The following SEMA3E variants were observed in gnomAD, a reference collection of about 807,000 sequenced individuals.
SEMA3E encodes the protein semaphorin 3E.
A neutral mutation model predicts 93.6 loss-of-function variants in SEMA3E; 49 were observed. That is an observed-to-expected ratio of 0.52 (90% CI 0.42 to 0.66). The LOEUF (loss-of-function observed/expected upper bound fraction) is 0.66, where lower values mean the gene tolerates loss of function less well. SEMA3E is among the 30% of genes least tolerant of loss of function. SEMA3E has a pLI of 0.00. For synonymous variants in SEMA3E, 363 were observed against 330.7 expected, an observed-to-expected ratio of 1.10 and a Z score of -1.06; for missense variants, 906 against 964.8, an observed-to-expected ratio of 0.94 and a Z score of 0.81.
At chr7:83,443,470 T>C (rs886966378) in intron 4 of SEMA3E, among the ~76,000 whole-genome samples, 9 of 152,246 alleles carry the variant, frequency 5.9e-5, no homozygotes, top group African/African-American at 2.2e-4. Context: ...CAAGGCTTTG[T>C]TAATTTGAGT....
chr7:83,438,529 C>T (rs927326614), intron 4 of SEMA3E, among the ~76,000 whole-genome samples: 1 of 152,096 alleles, frequency 6.6e-6, no homozygotes, highest in Non-Finnish European at 1.5e-5. Flanking sequence ...CACATGCCTT[C>T]ACTATTATAG....
At chr7:83,530,166 G>A (rs1791257630) in intron 1 of SEMA3E, among the ~76,000 whole-genome samples, 1 of 151,964 alleles carries the variant, frequency 6.6e-6, no homozygotes, top group Non-Finnish European at 1.5e-5. Flanking sequence ...TTACTATAAG[G>A]TTCCTGCTAC....
At chr7:83,449,549 C>A (rs1789310543) in intron 4 of SEMA3E, among the ~76,000 whole-genome samples, 1 of 152,030 alleles carries the variant, frequency 6.6e-6, no homozygotes, top group East Asian at 1.9e-4. Context: ...CAGATCTAAA[C>A]TACAGAGACA....
chr7:83,396,069 G>A (rs1383202976), intron 12 of SEMA3E, among the ~76,000 whole-genome samples: 1 of 143,834 alleles, frequency 7.0e-6, no homozygotes, highest in African/African-American at 2.6e-5. Flanking sequence ...GTGTGTGTGT[G>A]TATAAGTGCA....
chr7:83,520,247 T>C (rs1437736565), intron 1 of SEMA3E, among the ~76,000 whole-genome samples: 1 of 152,084 alleles, frequency 6.6e-6, no homozygotes, highest in Non-Finnish European at 1.5e-5. Flanking sequence ...AGAGTACAGT[T>C]GAAAAATTCC....
At chr7:83,375,410 G>C (rs897544391) in intron 16 of SEMA3E, among the ~76,000 whole-genome samples, 3 of 152,112 alleles carry the variant, frequency 2.0e-5, no homozygotes, top group Non-Finnish European at 4.4e-5. Flanking sequence ...ATTTCCTTTA[G>C]GCAACATCTC....
chr7:83,385,232 C>T (rs1215815509), intron 16 of SEMA3E, 62 bp downstream of exon 16: 1 of 1,569,000 alleles, frequency 6.4e-7, no homozygotes, highest in Admixed American at 1.7e-5. Flanking sequence ...AATAAATCAT[C>T]TATTTACTGA....
chr7:83,401,416 T>A (rs778784212), intron 10 of SEMA3E, among the ~76,000 whole-genome samples: 3 of 152,050 alleles, frequency 2.0e-5, no homozygotes, highest in Admixed American at 1.3e-4. Flanking sequence ...TGGCATGGAT[T>A]TTTCACTTGA....
rs1024263948 is a variant in SEMA3E at position 83,460,567 on chromosome 7, C to T, written c.456+5915G>A. 6.2e-5 allele frequency among the ~76,000 whole-genome samples: 9 copies of T among 145,946 alleles called. No homozygotes were observed. The Admixed American group carries it at 6.2e-4, about 10-fold the overall frequency. The stretch of plus-strand genomic sequence containing the variant: ...CCTTCACCTTTAGCGGCAAGTCCTG[C>T]CTTTCTGGGAAAGGGGCAAGTACCC... On this transcript the variant is annotated intron_variant, in intron 4 of 16. Coordinates refer to ENST00000643230, the MANE Select transcript of SEMA3E (RefSeq NM_012431.3).
At chr7:83,508,268 T>C (rs537891189) in intron 1 of SEMA3E, among the ~76,000 whole-genome samples, 6 of 151,876 alleles carry the variant, frequency 4.0e-5, no homozygotes, top group East Asian at 1.9e-4. Context: ...TTTTTCTTTT[T>C]TTTTTTTTTT....
intron 1 of SEMA3E, among the ~76,000 whole-genome samples, chr7:83,570,552 C>CAAAAAA (rs59715914): frequency 0.085 from 2,790 of 32,898 alleles, 315 homozygotes; most frequent in East Asian, 0.15. Flanking sequence ...GACTCCGTCT[C>CAAAAAA]AAAAAAAAAA....
chr7:83,381,541 G>A (rs78671629), intron 16 of SEMA3E, among the ~76,000 whole-genome samples: 2,183 of 151,290 alleles, frequency 0.014, 58 homozygotes, highest in African/African-American at 0.05. Flanking sequence ...AATCTCCCTT[G>A]CATTTTTTTC....
At chr7:83,577,617 T>C (rs1326476096) in intron 1 of SEMA3E, among the ~76,000 whole-genome samples, 1 of 152,172 alleles carries the variant, frequency 6.6e-6, no homozygotes, top group Non-Finnish European at 1.5e-5. Context: ...TCCTCTAATA[T>C]ACCAAACTGG....
At chr7:83,402,171 G>A (rs1379374790) in intron 10 of SEMA3E, among the ~76,000 whole-genome samples, 1 of 151,950 alleles carries the variant, frequency 6.6e-6, no homozygotes, top group Non-Finnish European at 1.5e-5. Context: ...TTCCTACAAT[G>A]AGAAGTAAGG....
At chr7:83,441,996 T>A (rs1789124321) in intron 4 of SEMA3E, among the ~76,000 whole-genome samples, 1 of 152,214 alleles carries the variant, frequency 6.6e-6, no homozygotes, top group Admixed American at 6.5e-5. Context: ...CTTGCATAAC[T>A]ATAAATGAAT....
intron 1 of SEMA3E, among the ~76,000 whole-genome samples, chr7:83,521,382 G>A (rs1282330256): frequency 6.6e-6 from 1 of 152,044 alleles, no homozygotes; most frequent in Non-Finnish European, 1.5e-5. Context: ...ATTACATATA[G>A]GATGGCTCAG....
chr7:83,415,490 C>G (rs1373390116), intron 5 of SEMA3E, among the ~76,000 whole-genome samples: 1 of 152,054 alleles, frequency 6.6e-6, no homozygotes, highest in Non-Finnish European at 1.5e-5. Context: ...CTCCTTAAAT[C>G]CTTTGTCGCA....
intron 4 of SEMA3E, among the ~76,000 whole-genome samples, chr7:83,434,565 A>T (rs1481517203): frequency 1.3e-5 from 2 of 152,160 alleles, no homozygotes. Flanking sequence ...AAAAAATTAA[A>T]CTGTGTTCTA....
chr7:83,545,739 G>A (rs939466315), intron 1 of SEMA3E, among the ~76,000 whole-genome samples: 5 of 149,226 alleles, frequency 3.4e-5, no homozygotes, highest in African/African-American at 1.2e-4. Context: ...CTGTATGGAT[G>A]TATATGTATG....
Sources: gnomAD v4.1 joint callset for allele counts (sites outside exome capture counted in the v4.1 genomes callset) on GRCh38, gnomAD v4.1.1 for gene constraint, MANE v1.5 for transcripts, NCBI Gene and HGNC (gene_info 2026-07-23, HGNC 2026-07-21) for gene names.